RALYL: variants seen among roughly 807,000 people sequenced by gnomAD.
RALYL encodes RALY RNA binding protein like.
In RALYL, 29 loss-of-function variants were observed where a neutral mutation model predicts 35.1. The ratio of observed to expected loss-of-function variants is 0.83; its 90% CI spans 0.61 to 1.13. The LOEUF (loss-of-function observed/expected upper bound fraction) is 1.13, where lower values mean the gene tolerates loss of function less well. Among genes scored for constraint, RALYL ranks in the 50% most tolerant of loss-of-function variants. RALYL has a pLI of 0.00. For synonymous variants in RALYL, 120 were observed against 127.6 expected (o/e 0.94, Z 0.40); for missense variants, 359 against 360.4 (o/e 1.00, Z 0.03).
chr8:84,521,792 T>C (rs1419210339), intron 1 of RALYL, among the ~76,000 whole-genome samples: 1 of 152,200 alleles, frequency 6.6e-6, no homozygotes, highest in Non-Finnish European at 1.5e-5. Flanking sequence ...TAAGAAATTA[T>C]TAACTTTTTA....
chr8:84,868,096 G>A (rs1464936095), intron 6 of RALYL, among the ~76,000 whole-genome samples: 1 of 152,128 alleles, frequency 6.6e-6, no homozygotes, highest in African/African-American at 2.4e-5. Flanking sequence ...TCACCATGAT[G>A]GGCAGTGGGG....
chr8:84,741,403 A>G (rs1200147463), intron 2 of RALYL, among the ~76,000 whole-genome samples: 2 of 152,042 alleles, frequency 1.3e-5, no homozygotes, highest in East Asian at 3.9e-4. Flanking sequence ...TAAATAATGC[A>G]AATATATTTC....
intron 1 of RALYL, among the ~76,000 whole-genome samples, chr8:84,478,052 T>G (rs937639952): frequency 3.4e-4 from 51 of 152,144 alleles, no homozygotes; most frequent in African/African-American, 1.2e-3. Flanking sequence ...TTTTAATATT[T>G]TAAGACTCCT....
intron 2 of RALYL, chr8:84,679,696 G>T: frequency 2.0e-6 from 1 of 512,186 alleles, no homozygotes. Context: ...TTCATCAGTT[G>T]GATGGCTTTG....
chr8:84,716,617 A>T (rs1339463951), intron 2 of RALYL, among the ~76,000 whole-genome samples: 1 of 152,166 alleles, frequency 6.6e-6, no homozygotes, highest in Non-Finnish European at 1.5e-5. Context: ...TGATACACTC[A>T]ATTTTGATAA....
At chr8:84,368,742 T>C (rs1855066151) in intron 1 of RALYL, among the ~76,000 whole-genome samples, 2 of 152,112 alleles carry the variant, frequency 1.3e-5, no homozygotes, top group African/African-American at 4.8e-5. Context: ...GATTCAGTTA[T>C]CTCCCACCAG....
chr8:84,570,634 GTGTGCCAGTTCTTGTGCCAGTCT>G (rs998380635), intron 2 of RALYL, among the ~76,000 whole-genome samples: 1 of 151,792 alleles, frequency 6.6e-6, no homozygotes, highest in African/African-American at 2.4e-5. Flanking sequence ...GGAGTGAGGA[GTGTGCCAGTTCTTGTGCCAGTCT>G]TGTGCCAGTT....
chr8:84,209,362 G>A (rs895878787), intron 1 of RALYL, among the ~76,000 whole-genome samples: 9 of 152,042 alleles, frequency 5.9e-5, no homozygotes, highest in African/African-American at 1.4e-4. Context: ...TTACTTTGAT[G>A]TGCCGTAAAA....
chr8:84,898,472 G>A (rs1250974449), intron 8 of RALYL, among the ~76,000 whole-genome samples: 1 of 152,182 alleles, frequency 6.6e-6, no homozygotes, highest in Non-Finnish European at 1.5e-5. Flanking sequence ...GTGCAGCCAA[G>A]GCTGAGAACC....
At chr8:84,648,395 A>G (rs1827947894) in intron 2 of RALYL, among the ~76,000 whole-genome samples, 1 of 152,066 alleles carries the variant, frequency 6.6e-6, no homozygotes, top group Non-Finnish European at 1.5e-5. Flanking sequence ...TTCAGTACTA[A>G]TTTGCATGTG....
intron 1 of RALYL, among the ~76,000 whole-genome samples, chr8:84,456,667 T>C (rs1271442930): frequency 6.6e-6 from 1 of 152,028 alleles, no homozygotes; most frequent in African/African-American, 2.4e-5. Flanking sequence ...GCACTGGGCA[T>C]CTACAAAAGA....
intron 7 of RALYL, among the ~76,000 whole-genome samples, chr8:84,884,403 G>A (rs992825355): frequency 2.0e-5 from 3 of 151,974 alleles, no homozygotes; most frequent in Non-Finnish European, 2.9e-5. Flanking sequence ...TGAGGACTAT[G>A]CATGTTTAAA....
chr8:84,647,916 G>T (rs1827841841), intron 2 of RALYL, among the ~76,000 whole-genome samples: 1 of 152,046 alleles, frequency 6.6e-6, no homozygotes, highest in South Asian at 2.1e-4. Flanking sequence ...TAATCATTTT[G>T]TACCTAATTT....
At chr8:84,386,122 T>C (rs113889220) in intron 1 of RALYL, among the ~76,000 whole-genome samples, 4,296 of 151,868 alleles carry the variant, frequency 0.028, 197 homozygotes, top group African/African-American at 0.098. Flanking sequence ...TGCAGAGTTA[T>C]AGAGGAAATA....
chr8:84,797,381 C>T (rs189164501), intron 3 of RALYL, among the ~76,000 whole-genome samples: 6 of 152,252 alleles, frequency 3.9e-5, no homozygotes, highest in Non-Finnish European at 8.8e-5. Context: ...AAACAAATTA[C>T]TAGGTTTTTC....
chr8:84,284,523 A>G (rs1837238223), intron 1 of RALYL, among the ~76,000 whole-genome samples: 1 of 152,202 alleles, frequency 6.6e-6, no homozygotes, highest in Admixed American at 6.5e-5. Context: ...AGAAACACAT[A>G]AGGACCAGTT....
intron 3 of RALYL, among the ~76,000 whole-genome samples, chr8:84,794,676 A>C (rs1226437346): frequency 1.2e-4 from 19 of 152,014 alleles, no homozygotes; most frequent in Admixed American, 1.2e-3. Flanking sequence ...ATGAGACCCC[A>C]CTCTTTACCC....
intron 1 of RALYL, among the ~76,000 whole-genome samples, chr8:84,245,534 G>A (rs1360005234): frequency 6.6e-6 from 1 of 152,090 alleles, no homozygotes; most frequent in Non-Finnish European, 1.5e-5. Context: ...TGCTTGAAAG[G>A]AGCAAATTAG....
rs1446486439 is a variant in RALYL, at chr8:84,217,206, T to A, written c.-24+32782T>A. On this transcript the variant is annotated intron_variant, in intron 1 of 8. Transcript: ENST00000521268. ...TAGTATGTCCTTATTTCCCTGTGAATAATCTTACCAGACAAGCACATTTTG... is the reference window on the plus strand; with the variant it reads ...TAGTATGTCCTTATTTCCCTGTGAAAAATCTTACCAGACAAGCACATTTTG... Among the ~76,000 whole-genome samples, 4 of 152,134 alleles carry A rather than the reference T, an allele frequency of 2.6e-5. No homozygotes were observed. The East Asian group carries it at 7.7e-4, about 29-fold the overall frequency.
Sources: allele counts gnomAD v4.1 joint callset (sites outside exome capture counted in the v4.1 genomes callset), GRCh38; gene constraint gnomAD v4.1.1; transcripts MANE v1.5; gene names NCBI Gene and HGNC (gene_info 2026-07-23, HGNC 2026-07-21).